Variants in KCNAB2 observed in about 807,000 individuals in gnomAD.
KCNAB2 encodes voltage-gated potassium channel subunit beta-2.
KCNAB2 carries 29 observed loss-of-function variants against 63.6 expected under a neutral mutation model. The observed-to-expected ratio is 0.46, with a 90% CI of 0.34 to 0.62. The LOEUF (loss-of-function observed/expected upper bound fraction) is 0.62, where lower values mean the gene tolerates loss of function less well. Ranked by LOEUF, KCNAB2 falls within the 20% of genes least tolerant of loss-of-function variation. KCNAB2 has a pLI of 0.01. For synonymous variants in KCNAB2, 222 were observed against 224.2 expected, an observed-to-expected ratio of 0.99 and a Z score of 0.09; for missense variants, 359 against 563.9, an observed-to-expected ratio of 0.64 and a Z score of 3.68.
At chr1:6,093,699 T>G (rs1665381383) in intron 10 of KCNAB2, among the ~76,000 whole-genome samples, 1 of 152,226 alleles carries the variant, frequency 6.6e-6, no homozygotes, top group South Asian at 2.1e-4. Context: ...GGACCACCCC[T>G]TGCCAGGGGA....
rs967213590 is a variant in KCNAB2 at position 6,003,748 on chromosome 1, G to A, written c.-53+10960G>A. On this transcript the variant is annotated intron_variant, in intron 1 of 16. Coordinates refer to the KCNAB2 transcript ENST00000341524. This position sits in a 1 kb window ranked among gnomAD's most constrained non-coding sequence, Gnocchi z 4.1. ...GTCCCAGAACCAGCCACGTCTCCTC[G>A]TCGTCGTTTCACCGCAACCTCGCCA... 2.0e-4 allele frequency among the ~76,000 whole-genome samples: 30 copies of A among 152,128 alleles called. No individual in the cohort carries two copies. Among genetic ancestry groups the A allele is most frequent in the African/African-American group, 7.0e-4 (29 of 41,408 alleles).
chr1:6,048,544 C>T (rs949067590), intron 1 of KCNAB2, among the ~76,000 whole-genome samples: 1 of 152,262 alleles, frequency 6.6e-6, no homozygotes, highest in African/African-American at 2.4e-5. Flanking sequence ...CCCCGTCCTC[C>T]AGCCCCGGGG....
chr1:6,091,394 C>A, intron 10 of KCNAB2, 87 bp downstream of exon 10: 1 of 1,005,824 alleles, frequency 9.9e-7, no homozygotes, highest in Non-Finnish European at 1.5e-6. Flanking sequence ...GATTCTTTTA[C>A]CCCATGAGAA....
At position 5,994,608 on chromosome 1, in the gene KCNAB2, TGGG is replaced by T. The variant is rs1158839146; in HGVS notation, c.-53+1824_-53+1826del. Among the ~76,000 whole-genome samples the T allele has an allele frequency of 6.6e-6, 1 of 151,942 alleles. No homozygotes were observed. The highest frequency in any genetic ancestry group is 6.5e-5 in the Admixed American group (1 of 15,268). ...TGGGGGCTGAGCCAGGCACTGGAGT[TGGG>T]GGGTGTCGTGAAAAAGTGTGAAACC... On this transcript the variant is annotated intron_variant, in intron 1 of 16. Transcript: ENST00000341524. The surrounding 1 kb of genome is among the most constrained non-coding windows in gnomAD (Gnocchi z 5.4).
At chr1:6,018,347 GC>G (rs1658635041) in intron 1 of KCNAB2, among the ~76,000 whole-genome samples, 1 of 152,190 alleles carries the variant, frequency 6.6e-6, no homozygotes. Context: ...GCAGCCCCGG[GC>G]AATATGTAAA....
In KCNAB2 at chr1:6,086,350, C is replaced by T. The variant is rs1664695812; in HGVS notation, c.425+1102C>T. On this transcript the variant is annotated intron_variant, in intron 6 of 15. Coordinates refer to ENST00000378083, the MANE Select transcript of KCNAB2 (RefSeq NM_001199862.2). The surrounding 1 kb of genome is among the most constrained non-coding windows in gnomAD (Gnocchi z 4.2). ...AATTCCTCCTCACCCTGTAATTAAA[C>T]GAAATTGCACGTATTAGCAAATCCC... 6.1e-6 allele frequency: 6 copies of T among 984,806 alleles called. No individual in the cohort carries two copies. Among genetic ancestry groups the T allele is most frequent in the South Asian group, 4.7e-5 (1 of 21,272 alleles). The allele number at this position is 984,806 out of a possible 1,614,324, so 61.0% of individuals were successfully genotyped here. A position where few individuals can be genotyped will look rare whatever the true frequency, so the allele number is the denominator to read the frequency against.
Position 6,073,739 on chromosome 1 carries a change from G to A in KCNAB2, c.269G>A (p.Trp90Ter), listed in dbSNP as rs1663424687. ...CCCCTGTGTCTCCTTCCAGGAACAT[G>A]GGTGACCTTCGGAGGCCAGATCACC... ...LRVSCLGLGTWVTFGGQITDE... is the reference protein window; with the variant it reads ...LRVSCLGLGT Residue 90 changes from tryptophan to a stop codon, truncating the protein, a stop_gained, in exon 4 of 16, where the codon TGG becomes TAG. Transcript: ENST00000378083. LOFTEE classifies it high-confidence loss of function. This position sits in a 1 kb window ranked among gnomAD's most constrained non-coding sequence, Gnocchi z 5.7. The A allele has an allele frequency of 6.2e-7, 1 of 1,614,168 alleles. No homozygotes were observed. The highest frequency in any genetic ancestry group is 8.5e-7 in the Non-Finnish European group (1 of 1,180,012).
Position 6,096,316 on chromosome 1 carries a change from C to A in KCNAB2, c.949-320C>A. Reference sequence around the variant, plus strand: ...CTGGGCCACGGGTGGCAGCCGAGACCCCAGGCTGCCAAGTTTCCTAAGAGA... The same window carrying A: ...CTGGGCCACGGGTGGCAGCCGAGACACCAGGCTGCCAAGTTTCCTAAGAGA... On this transcript the variant is annotated intron_variant, in intron 13 of 15. Coordinates refer to ENST00000378083, the MANE Select transcript of KCNAB2 (RefSeq NM_001199862.2). The surrounding 1 kb of genome is among the most constrained non-coding windows in gnomAD (Gnocchi z 5.9). 2.3e-6 allele frequency: 1 copy of A among 427,100 alleles called. No homozygotes were observed. Among genetic ancestry groups the A allele is most frequent in the South Asian group, 2.1e-5 (1 of 48,570 alleles). The allele number at this position is 427,100 out of a possible 1,614,324, so 26.5% of individuals were successfully genotyped here. A position where few individuals can be genotyped will look rare whatever the true frequency, so the allele number is the denominator to read the frequency against.
rs975498289 is a variant in KCNAB2 at position 6,071,151 on chromosome 1, C to T, written c.219-1604C>T. 1.3e-5 allele frequency among the ~76,000 whole-genome samples: 2 copies of T among 152,102 alleles called. No homozygotes were observed. The highest frequency in any genetic ancestry group is 4.8e-5 in the African/African-American group (2 of 41,410). On this transcript the variant is annotated intron_variant, in intron 2 of 15. Transcript: ENST00000378083. The surrounding 1 kb of genome is among the most constrained non-coding windows in gnomAD (Gnocchi z 8.5). ...GACAGAGTGGGCTCGTGTCAGAAGT[C>T]GGGGGTTCAGAATGAGGCTTGAGCC... is the stretch of plus-strand genomic sequence containing the variant.
At chr1:6,098,306 C>G in intron 15 of KCNAB2, 179 bp from the exon 16 acceptor site, 2 of 1,420,496 alleles carry the variant, frequency 1.4e-6, no homozygotes, top group Non-Finnish European at 1.8e-6. Flanking sequence ...CCTCTCTGCC[C>G]CAAACCTTCT....
intron 15 of KCNAB2, 99 bp from the exon 16 acceptor site, chr1:6,098,386 T>C (rs937924378): frequency 3.0e-5 from 47 of 1,547,550 alleles, no homozygotes; most frequent in Middle Eastern, 1.7e-4. Context: ...AACCCGGGCC[T>C]GGCCAGCCGA....
rs1664830035 is a variant in KCNAB2, at chr1:6,087,789, G to C, written c.470+278G>C. The stretch of plus-strand genomic sequence containing the variant: ...CAGAAAAGAAGCTGTGGCCGAGTTT[G>C]CCTTTTACAAAAACCTCGCTTAACT... On this transcript the variant is annotated intron_variant, in intron 7 of 15. Transcript: ENST00000378083. This position sits in a 1 kb window ranked among gnomAD's most constrained non-coding sequence, Gnocchi z 6.4. Among the ~76,000 whole-genome samples, 1 of 152,224 alleles carries C rather than the reference G, an allele frequency of 6.6e-6. No individual in the cohort carries two copies. Among genetic ancestry groups the C allele is most frequent in the African/African-American group, 2.4e-5 (1 of 41,458 alleles).
chr1:6,021,252 G>A (rs1227030523), intron 1 of KCNAB2, among the ~76,000 whole-genome samples: 5 of 152,150 alleles, frequency 3.3e-5, no homozygotes, highest in African/African-American at 1.2e-4. Context: ...CCCACCACGG[G>A]CTCCCAAAGT....
At chr1:6,004,949 G>A (rs1394144365) in intron 1 of KCNAB2, among the ~76,000 whole-genome samples, 37 of 117,222 alleles carry the variant, frequency 3.2e-4, no homozygotes, top group East Asian at 1.9e-3. Context: ...GGTGGAGTGG[G>A]GGGATGTGGG....
intron 1 of KCNAB2, among the ~76,000 whole-genome samples, chr1:6,015,854 G>A (rs1043101266): frequency 3.3e-5 from 5 of 151,996 alleles, no homozygotes; most frequent in African/African-American, 7.2e-5. Context: ...ACAGGCATGC[G>A]CCACCACGCC....
At chr1:6,041,556 A>C, upstream of KCNAB2, 2 of 502,758 alleles carry the variant, frequency 4.0e-6, no homozygotes, top group South Asian at 4.6e-5. Context: ...GAGGTTCACC[A>C]CGGAAAACAG....
In KCNAB2 at chr1:6,095,516, C is replaced by T; in HGVS notation, c.854-14C>T. On this transcript the variant is annotated splice_polypyrimidine_tract_variant and intron_variant, in intron 12 of 15. Transcript: ENST00000378083. ...CGGGCCCAGGGCTTGACTCCACCTG[C>T]TTTTCCTCTTCAGGAGTGGGCGCCA... 6.2e-7 allele frequency: 1 copy of T among 1,611,998 alleles called. No homozygotes were observed. Among genetic ancestry groups the T allele is most frequent in the East Asian group, 2.2e-5 (1 of 44,796 alleles).
intron 2 of KCNAB2, among the ~76,000 whole-genome samples, chr1:6,062,269 G>T (rs113128426): frequency 1.2e-3 from 188 of 151,030 alleles, no homozygotes; most frequent in African/African-American, 3.6e-3. Flanking sequence ...AGCCAAGATT[G>T]CACCATTGCT....
chr1:6,022,943 C>T (rs926017197), intron 1 of KCNAB2, among the ~76,000 whole-genome samples: 1 of 140,836 alleles, frequency 7.1e-6, no homozygotes, highest in Non-Finnish European at 1.5e-5. Flanking sequence ...AGGGCAGTGG[C>T]GCGATCTTGG....
Sources: allele counts gnomAD v4.1 joint callset (sites outside exome capture counted in the v4.1 genomes callset), GRCh38; gene constraint gnomAD v4.1.1; non-coding constraint Gnocchi (gnomAD v3.1); transcripts MANE v1.5; gene names NCBI Gene and HGNC (gene_info 2026-07-23, HGNC 2026-07-21).